The following FSHR variants were observed in gnomAD, a reference collection of about 807,000 sequenced individuals.
FSHR encodes the protein follicle stimulating hormone receptor, also known as follicle-stimulating hormone receptor.
Under a neutral mutation model 52.1 loss-of-function variants are expected in FSHR, and 46 were observed. The ratio of observed to expected loss-of-function variants is 0.88; its 90% confidence interval spans 0.70 to 1.13. The LOEUF is 1.13. Among genes scored for constraint, FSHR ranks in the 50% most tolerant of loss-of-function variants. The pLI is 0.00. For synonymous variants in FSHR, 399 were observed against 309.6 expected (o/e 1.29, Z -3.03); for missense variants, 964 against 834.6 (o/e 1.16, Z -1.91).
intron 1 of FSHR, among the ~76,000 whole-genome samples, chr2:49,125,655 C>T (rs1454373576): frequency 6.6e-6 from 1 of 152,340 alleles, no homozygotes; most frequent in Admixed American, 6.5e-5. Flanking sequence ...TCTCTGCTTT[C>T]TTCTTGCCTT....
intron 1 of FSHR, among the ~76,000 whole-genome samples, chr2:49,141,681 A>T (rs1252062964): frequency 6.6e-6 from 1 of 152,150 alleles, no homozygotes; most frequent in Non-Finnish European, 1.5e-5. Flanking sequence ...TGCAGTGCTA[A>T]TCTTCAGCTT....
At chr2:49,030,769 C>A (rs999090396) in intron 2 of FSHR, among the ~76,000 whole-genome samples, 2 of 152,126 alleles carry the variant, frequency 1.3e-5, no homozygotes, top group Admixed American at 6.5e-5. Context: ...GGTTTTATAT[C>A]CATTTTTGAA....
intron 2 of FSHR, among the ~76,000 whole-genome samples, chr2:49,027,641 G>A (rs1022709948): frequency 1.3e-5 from 2 of 152,262 alleles, no homozygotes; most frequent in Non-Finnish European, 2.9e-5. Context: ...CTTGATGTCA[G>A]GAGTTTCAGA....
At chr2:49,024,277 TA>T (rs953411656) in intron 2 of FSHR, among the ~76,000 whole-genome samples, 43 of 146,388 alleles carry the variant, frequency 2.9e-4, no homozygotes, top group Non-Finnish European at 2.4e-4. Context: ...AAAGTAAAAT[TA>T]AAAAAAAAAA....
chr2:49,099,914 G>A (rs61326716), intron 1 of FSHR, among the ~76,000 whole-genome samples: 33,725 of 151,952 alleles, frequency 0.22, 3,755 homozygotes, highest in East Asian at 0.29. Flanking sequence ...GTACTTTATT[G>A]TGGCATCTCT....
chr2:49,066,813 G>A (rs2104338229), intron 2 of FSHR, among the ~76,000 whole-genome samples: 1 of 152,232 alleles, frequency 6.6e-6, no homozygotes, highest in Non-Finnish European at 1.5e-5. Flanking sequence ...TGAAATGCCT[G>A]TCTTTAGAAT....
chr2:49,118,884 TG>T (rs1308780492), intron 1 of FSHR, among the ~76,000 whole-genome samples: 3 of 152,254 alleles, frequency 2.0e-5, no homozygotes. Context: ...CAAAAACCTT[TG>T]CATGGGATCC....
chr2:48,990,497 G>T, intron 5 of FSHR, 69 bp downstream of exon 5: 2 of 989,622 alleles, frequency 2.0e-6, no homozygotes, highest in South Asian at 1.3e-5. Flanking sequence ...CATATTAAAG[G>T]CCCAGATAGC....
intron 1 of FSHR, among the ~76,000 whole-genome samples, chr2:49,090,813 A>G (rs2089121): frequency 0.52 from 79,553 of 151,888 alleles, 21,319 homozygotes; most frequent in East Asian, 0.76. Flanking sequence ...TGATAGCTAT[A>G]AAGTTTTATC....
chr2:48,980,453 G>A (rs992477647), intron 8 of FSHR, among the ~76,000 whole-genome samples: 1 of 152,142 alleles, frequency 6.6e-6, no homozygotes, highest in Non-Finnish European at 1.5e-5. Flanking sequence ...GCTAGATGGG[G>A]GATTCAAGTT....
chr2:49,067,803 C>G (rs1669563969), intron 2 of FSHR, among the ~76,000 whole-genome samples: 1 of 151,998 alleles, frequency 6.6e-6, no homozygotes, highest in African/African-American at 2.4e-5. Flanking sequence ...TGCATGAATA[C>G]TTTGGAAACA....
At chr2:49,125,577 ACT>A (rs1278888396) in intron 1 of FSHR, among the ~76,000 whole-genome samples, 1 of 152,244 alleles carries the variant, frequency 6.6e-6, no homozygotes, top group African/African-American at 2.4e-5. Context: ...CATATAGAGC[ACT>A]GTCTCGCACA....
At chr2:49,103,138 A>C (rs376628973) in intron 1 of FSHR, among the ~76,000 whole-genome samples, 5 of 152,088 alleles carry the variant, frequency 3.3e-5, no homozygotes, top group African/African-American at 1.2e-4. Context: ...CCCCTCCCCA[A>C]AACAATTTTT....
At chr2:49,097,485 C>T in intron 1 of FSHR, among the ~76,000 whole-genome samples, 1 of 152,176 alleles carries the variant, frequency 6.6e-6, no homozygotes, top group South Asian at 2.1e-4. Flanking sequence ...TGAATTATCT[C>T]ATTCAAGGAT....
chr2:49,114,351 A>G (rs922591314), intron 1 of FSHR, among the ~76,000 whole-genome samples: 30 of 152,276 alleles, frequency 2.0e-4, no homozygotes, highest in Admixed American at 1.6e-3. Flanking sequence ...GACCAAAGCA[A>G]TACTCTCCCA....
chr2:49,065,733 T>G (rs1454631467), intron 2 of FSHR, among the ~76,000 whole-genome samples: 1 of 152,014 alleles, frequency 6.6e-6, no homozygotes, highest in Non-Finnish European at 1.5e-5. Flanking sequence ...TGACAACTGG[T>G]CATTCAAGGG....
intron 1 of FSHR, among the ~76,000 whole-genome samples, chr2:49,109,244 G>A (rs1412117755): frequency 6.6e-6 from 1 of 152,100 alleles, no homozygotes; most frequent in Non-Finnish European, 1.5e-5. Context: ...AAGAGTGAGC[G>A]GCTTGGTGTT....
chr2:49,088,975 T>A (rs1221137349), intron 1 of FSHR, among the ~76,000 whole-genome samples: 2 of 152,122 alleles, frequency 1.3e-5, no homozygotes, highest in East Asian at 3.8e-4. Flanking sequence ...AAAATGCAAA[T>A]GTCGAACGTT....
At chr2:49,033,386 A>T (rs148120491) in intron 2 of FSHR, among the ~76,000 whole-genome samples, 255 of 152,314 alleles carry the variant, frequency 1.7e-3, no homozygotes, top group African/African-American at 5.8e-3. Context: ...ATTCTAAAGG[A>T]TGTTCAGTTA....
Sources: gnomAD v4.1 joint callset for allele counts (sites outside exome capture counted in the v4.1 genomes callset) on GRCh38, gnomAD v4.1.1 for gene constraint, MANE v1.5 for transcripts, NCBI Gene and HGNC (gene_info 2026-07-23, HGNC 2026-07-21) for gene names.